Variants in PPFIA4 observed in about 807,000 individuals in gnomAD.
PPFIA4 encodes the protein liprin-alpha-4.
In PPFIA4, 98 loss-of-function variants were observed where a neutral mutation model predicts 145.7. That is an observed-to-expected ratio of 0.67 (90% CI 0.57 to 0.80). PPFIA4 has a LOEUF of 0.80. PPFIA4 is among the 30% of genes least tolerant of loss of function. The pLI is 0.00. For synonymous variants in PPFIA4, 628 were observed against 649.6 expected (o/e 0.97, Z 0.51); for missense variants, 1,457 against 1,632.7 (o/e 0.89, Z 1.85).
rs1662653983 is a variant in PPFIA4 at position 203,078,028 on chromosome 1, C to T, written c.*1638C>T. ...ACCCAGTCCAGAAGGAGCAATGGCA[C>T]CTGGGCAGTGCCAGGGCTTAAAGCC... is the stretch of plus-strand genomic sequence containing the variant. On this transcript the variant is annotated 3_prime_UTR_variant, in exon 30 of 30. Coordinates refer to ENST00000295706, the MANE Select transcript of PPFIA4 (RefSeq NM_001304331.2). 6.6e-6 allele frequency: 1 copy of T among 152,266 alleles called. No homozygotes were observed. The highest frequency in any genetic ancestry group is 1.5e-5 in the Non-Finnish European group (1 of 68,104). 9.4% of individuals were successfully genotyped at this position (152,266 alleles called of 1,614,324 possible). A position where few individuals can be genotyped will look rare whatever the true frequency, so the allele number is the denominator to read the frequency against.
intron 1 of PPFIA4, among the ~76,000 whole-genome samples, chr1:203,036,391 C>T (rs17507689): frequency 0.038 from 5,724 of 152,266 alleles, 179 homozygotes; most frequent in South Asian, 0.088. Flanking sequence ...TGCTATGCTA[C>T]GGGCTGCCTG....
intron 2 of PPFIA4, among the ~76,000 whole-genome samples, chr1:203,042,765 T>C (rs1373911074): frequency 9.8e-6 from 1 of 102,204 alleles, no homozygotes; most frequent in African/African-American, 3.0e-5. Context: ...GCCTCTGGAG[T>C]AGCTGGAATT....
chr1:203,027,869 A>T (rs1470752089), intron 1 of PPFIA4, among the ~76,000 whole-genome samples: 2 of 152,082 alleles, frequency 1.3e-5, no homozygotes, highest in Non-Finnish European at 2.9e-5. Flanking sequence ...AAAAGAAAGA[A>T]CTGTGTCCAC....
At chr1:203,029,817 A>T (rs1658688465) in intron 1 of PPFIA4, among the ~76,000 whole-genome samples, 1 of 152,238 alleles carries the variant, frequency 6.6e-6, no homozygotes, top group South Asian at 2.1e-4. Flanking sequence ...ATAACCCTGA[A>T]CAGTAATATG....
intron 13 of PPFIA4, among the ~76,000 whole-genome samples, chr1:203,050,492 C>T (rs986389836): frequency 6.6e-6 from 1 of 152,194 alleles, no homozygotes; most frequent in Non-Finnish European, 1.5e-5. Context: ...GCTGTTTTCT[C>T]TCCAAACCAA....
Position 203,075,225 on chromosome 1 carries a change from A to T in PPFIA4, c.3394-352A>T, listed in dbSNP as rs1403330987. Among the ~76,000 whole-genome samples, 1 of 152,074 alleles carries T rather than the reference A, an allele frequency of 6.6e-6. No individual in the cohort carries two copies. The highest frequency in any genetic ancestry group is 1.5e-5 in the Non-Finnish European group (1 of 67,986). On this transcript the variant is annotated intron_variant, in intron 28 of 29. Coordinates refer to ENST00000295706, the MANE Select transcript of PPFIA4 (RefSeq NM_001304331.2). The surrounding 1 kb of genome is among the most constrained non-coding windows in gnomAD (Gnocchi z 4.1). Reference sequence around the variant, plus strand: ...GCTGTCACCTCCCATGGGCTGAGGCAGAGGAATGCCTTGAAAGGTGAATGG... The same window carrying T: ...GCTGTCACCTCCCATGGGCTGAGGCTGAGGAATGCCTTGAAAGGTGAATGG...
rs1229601624 is a variant in PPFIA4 at position 203,053,966 on chromosome 1, G to C, written c.1829+5G>C. ...TGCCATCAATGAGGAAATCAGGTTA[G>C]GGCAGGGCTGGAGGGCTTGGGAAGT... On this transcript the variant is annotated splice_donor_5th_base_variant and intron_variant, in intron 15 of 29. Coordinates refer to ENST00000295706, the MANE Select transcript of PPFIA4 (RefSeq NM_001304331.2). 6.4e-7 allele frequency: 1 copy of C among 1,558,512 alleles called. No homozygotes were observed. The highest frequency in any genetic ancestry group is 8.7e-7 in the Non-Finnish European group (1 of 1,151,476).
At chr1:203,044,507 ACCCCTGTGCC>A in intron 5 of PPFIA4, 54 bp downstream of exon 5, 8 of 1,512,742 alleles carry the variant, frequency 5.3e-6, no homozygotes, top group Non-Finnish European at 6.3e-6. Context: ...AGGCTGGTTC[ACCCCTGTGCC>A]CTACTCTGTT....
chr1:203,035,256 G>A (rs1309741381), intron 1 of PPFIA4: 1 of 456,598 alleles, frequency 2.2e-6, no homozygotes, highest in Admixed American at 2.3e-5. Flanking sequence ...GCCCCGGGCT[G>A]TGGTCTCCGC....
At position 203,043,184 on chromosome 1, in the gene PPFIA4, T is replaced by G. The variant is rs1037525391; in HGVS notation, c.235-213T>G. On this transcript the variant is annotated intron_variant, in intron 2 of 29. Transcript: ENST00000295706. This position sits in a 1 kb window ranked among gnomAD's most constrained non-coding sequence, Gnocchi z 4.4. ...CTCTGTTCCCTTGGATTCTAACACA[T>G]GGAATGCATGGAGGACCCAGAGATG... 3.3e-5 allele frequency among the ~76,000 whole-genome samples: 5 copies of G among 152,152 alleles called. No homozygotes were observed. The highest frequency in any genetic ancestry group is 1.2e-4 in the African/African-American group (5 of 41,424).
In PPFIA4 at chr1:203,038,794, G is replaced by C. The variant is rs1049313787; in HGVS notation, c.-215G>C. 3.0e-5 allele frequency: 13 copies of C among 440,382 alleles called. No homozygotes were observed. The highest frequency in any genetic ancestry group is 4.1e-5 in the Admixed American group (1 of 24,634). 27.3% of individuals were successfully genotyped at this position (440,382 alleles called of 1,614,324 possible). A position where few individuals can be genotyped will look rare whatever the true frequency, so the allele number is the denominator to read the frequency against. On this transcript the variant is annotated 5_prime_UTR_variant, in exon 2 of 30. Coordinates refer to ENST00000295706, the MANE Select transcript of PPFIA4 (RefSeq NM_001304331.2). ...CCCAGCCCCAGCCCTGAGAAGTTAA[G>C]CCAGGCCTTCTGGCTCAGTTCCACA...
In PPFIA4 at chr1:203,060,961, T is replaced by C; in HGVS notation, c.2785-9T>C. 6.2e-7 allele frequency: 1 copy of C among 1,613,964 alleles called. No homozygotes were observed. The highest frequency in any genetic ancestry group is 8.5e-7 in the Non-Finnish European group (1 of 1,179,842). On this transcript the variant is annotated splice_polypyrimidine_tract_variant and intron_variant, in intron 22 of 29. Transcript: ENST00000295706. The surrounding 1 kb of genome is among the most constrained non-coding windows in gnomAD (Gnocchi z 4.8). The stretch of plus-strand genomic sequence containing the variant: ...CCCAGGACCAGCTAGGTTTCCTCTC[T>C]GCCTGCAGTCTTCTGGGAATGTCTG...
At chr1:203,069,708 T>G (rs1661997498) in intron 27 of PPFIA4, among the ~76,000 whole-genome samples, 1 of 150,178 alleles carries the variant, frequency 6.7e-6, no homozygotes, top group Non-Finnish European at 1.5e-5. Flanking sequence ...CTTTTGGGGG[T>G]GGTGGCAGTG....
In PPFIA4 at chr1:203,060,540, A is replaced by G. The variant is rs1661289201; in HGVS notation, c.2784+123A>G. On this transcript the variant is annotated intron_variant, in intron 22 of 29. Transcript: ENST00000295706. The surrounding 1 kb of genome is among the most constrained non-coding windows in gnomAD (Gnocchi z 4.8). Reference sequence around the variant, plus strand: ...CCTGCCCCTTCCTTCCCATCCTCACAAAGGGCTCTCCCTGGTCTTCAGGAG... The same window carrying G: ...CCTGCCCCTTCCTTCCCATCCTCACGAAGGGCTCTCCCTGGTCTTCAGGAG... The G allele has an allele frequency of 4.0e-6, 4 of 1,007,004 alleles. No homozygotes were observed. The highest frequency in any genetic ancestry group is 4.5e-6 in the Non-Finnish European group (3 of 671,916). 62.4% of individuals were successfully genotyped at this position (1,007,004 alleles called of 1,614,324 possible).
At chr1:203,051,901 CAG>C (rs1558082541) in intron 14 of PPFIA4, 24 bp downstream of exon 14, 1 of 1,608,914 alleles carries the variant, frequency 6.2e-7, no homozygotes, top group Admixed American at 1.7e-5. Flanking sequence ...GGGATCTCCT[CAG>C]GGAGTTTGGG....
chr1:203,043,736 G>A lies in PPFIA4; in HGVS notation c.337-195G>A, dbSNP rs776562290. Among the ~76,000 whole-genome samples the A allele has an allele frequency of 6.6e-6, 1 of 152,282 alleles. No homozygotes were observed. ...GTTCACAGAAAGCTCAGGGTCCTGG[G>A]GAGAGGCCGGGGCAGTCACCTTGAG... On this transcript the variant is annotated intron_variant, in intron 3 of 29. Coordinates refer to ENST00000295706, the MANE Select transcript of PPFIA4 (RefSeq NM_001304331.2). The surrounding 1 kb of genome is among the most constrained non-coding windows in gnomAD (Gnocchi z 4.4).
At chr1:203,044,907 A>T in intron 6 of PPFIA4, 122 bp downstream of exon 6, 1 of 823,056 alleles carries the variant, frequency 1.2e-6, no homozygotes, top group Non-Finnish European at 2.0e-6. Flanking sequence ...TTTCTCTGAT[A>T]TTCCCCCTTC....
intron 1 of PPFIA4, chr1:203,034,777 G>A (rs922321263): frequency 2.3e-6 from 1 of 441,336 alleles, no homozygotes; most frequent in African/African-American, 2.0e-5. Context: ...TCACCCTGAT[G>A]AGGGTGGGGA....
intron 9 of PPFIA4, 185 bp downstream of exon 9, chr1:203,046,567 C>T (rs559656195): frequency 4.1e-5 from 25 of 612,184 alleles, no homozygotes; most frequent in African/African-American, 3.5e-4. Flanking sequence ...TCCCTGTCCT[C>T]ATCACCCTGC....
Sources: allele counts gnomAD v4.1 joint callset (sites outside exome capture counted in the v4.1 genomes callset), GRCh38; gene constraint gnomAD v4.1.1; non-coding constraint Gnocchi (gnomAD v3.1); transcripts MANE v1.5; gene names NCBI Gene and HGNC (gene_info 2026-07-23, HGNC 2026-07-21).